XRCC4: variants seen among roughly 807,000 people sequenced by gnomAD.
The protein encoded by XRCC4 is DNA repair protein XRCC4.
Under a neutral mutation model 39.1 loss-of-function variants are expected in XRCC4, and 28 were observed. The observed-to-expected ratio is 0.72, with a 90% CI of 0.53 to 0.98. XRCC4 has a LOEUF of 0.98. Ranked by LOEUF, XRCC4 falls within the 50% of genes least tolerant of loss-of-function variation. XRCC4 has a pLI of 0.00. For missense variants in XRCC4, 350 were observed against 376.4 expected (o/e 0.93, Z 0.58); for synonymous variants, 123 against 126.4 (o/e 0.97, Z 0.18).
intron 3 of XRCC4, among the ~76,000 whole-genome samples, chr5:83,183,022 C>T (rs1025298366): frequency 3.3e-5 from 5 of 152,172 alleles, no homozygotes; most frequent in African/African-American, 9.7e-5. Flanking sequence ...ACTAATGGAA[C>T]ATATTCTCAA....
At chr5:83,243,077 TTTC>T (rs1246818823) in intron 6 of XRCC4, among the ~76,000 whole-genome samples, 2 of 152,216 alleles carry the variant, frequency 1.3e-5, no homozygotes, top group Non-Finnish European at 2.9e-5. Flanking sequence ...AAATTAAACT[TTTC>T]TATAAAGACT....
chr5:83,264,947 C>G (rs74408953), intron 7 of XRCC4, among the ~76,000 whole-genome samples: 1,828 of 152,230 alleles, frequency 0.012, 36 homozygotes, highest in African/African-American at 0.042. Context: ...TGTACCCTCA[C>G]AACAGTGTTT....
rs376102534 is a variant in XRCC4, at chr5:83,353,257, A to T, written c.*15A>T. On this transcript the variant is annotated 3_prime_UTR_variant, in exon 8 of 8. Transcript: ENST00000396027. ...ATGAGATTTAACAGTCTCAAAAAAT[A>T]CTTTGATGTTCACTAGACTATGTTT... The T allele has an allele frequency of 7.7e-6, 12 of 1,552,068 alleles. No individual in the cohort carries two copies. The highest frequency in any genetic ancestry group is 1.1e-5 in the Non-Finnish European group (12 of 1,139,824).
chr5:83,219,113 T>A (rs1187715192), intron 6 of XRCC4, among the ~76,000 whole-genome samples: 1 of 152,136 alleles, frequency 6.6e-6, no homozygotes, highest in Non-Finnish European at 1.5e-5. Context: ...CCCTGTTACA[T>A]CAAATTTTCT....
intron 3 of XRCC4, among the ~76,000 whole-genome samples, chr5:83,123,098 C>T (rs28745313): frequency 0.015 from 2,221 of 152,196 alleles, 62 homozygotes; most frequent in African/African-American, 0.051. Context: ...TGCTTATTTT[C>T]TGTCTACTTC....
intron 6 of XRCC4, among the ~76,000 whole-genome samples, chr5:83,249,959 CCTCT>C (rs1308014155): frequency 2.0e-5 from 3 of 151,924 alleles, no homozygotes; most frequent in South Asian, 2.1e-4. Flanking sequence ...TCAATGAAAG[CCTCT>C]CTAAGCTTTG....
intron 6 of XRCC4, among the ~76,000 whole-genome samples, chr5:83,244,639 C>G (rs1753032951): frequency 6.6e-6 from 1 of 152,132 alleles, no homozygotes; most frequent in Non-Finnish European, 1.5e-5. Context: ...TAAATTCCAG[C>G]TATTTCAACA....
intron 1 of XRCC4, among the ~76,000 whole-genome samples, chr5:83,099,729 G>C (rs771788146): frequency 1.3e-5 from 2 of 152,116 alleles, no homozygotes; most frequent in Non-Finnish European, 2.9e-5. Flanking sequence ...CTCTGGCTGG[G>C]AGAGGTGCTG....
chr5:83,100,388 A>G lies in XRCC4; in HGVS notation c.-10-4522A>G, dbSNP rs891721781. Among the ~76,000 whole-genome samples the G allele has an allele frequency of 4.6e-5, 7 of 152,168 alleles. No individual in the cohort carries two copies. In the South Asian group the frequency reaches 1.4e-3, roughly 31 times the overall value. ...AACATCATTGAGATTAAAGCCCTTTATATTATTGTGAAAGTAGAAGGAGTT... is the reference window on the plus strand; with the variant it reads ...AACATCATTGAGATTAAAGCCCTTTGTATTATTGTGAAAGTAGAAGGAGTT... On this transcript the variant is annotated intron_variant, in intron 1 of 7. Coordinates refer to ENST00000396027, the MANE Select transcript of XRCC4 (RefSeq NM_003401.5).
intron 7 of XRCC4, among the ~76,000 whole-genome samples, chr5:83,337,306 T>C (rs1756623698): frequency 6.6e-6 from 1 of 152,132 alleles, no homozygotes; most frequent in Admixed American, 6.5e-5. Context: ...CACAATTAAG[T>C]CTTTGGTTGA....
intron 7 of XRCC4, among the ~76,000 whole-genome samples, chr5:83,321,986 T>C (rs1391182609): frequency 1.3e-5 from 2 of 150,392 alleles, no homozygotes; most frequent in South Asian, 2.1e-4. Flanking sequence ...GTATGTATCA[T>C]TTAAAATAAA....
intron 3 of XRCC4, among the ~76,000 whole-genome samples, chr5:83,139,484 G>GA (rs1748065037): frequency 6.6e-6 from 1 of 152,142 alleles, no homozygotes; most frequent in Admixed American, 6.6e-5. Flanking sequence ...GATATTTTAA[G>GA]AGAATACAAG....
At chr5:83,322,384 T>A (rs370912334) in intron 7 of XRCC4, among the ~76,000 whole-genome samples, 119 of 152,198 alleles carry the variant, frequency 7.8e-4, no homozygotes, top group African/African-American at 2.7e-3. Flanking sequence ...TATCCCCCAA[T>A]TATATAGTAC....
At chr5:83,152,208 T>G (rs1748735709) in intron 3 of XRCC4, among the ~76,000 whole-genome samples, 1 of 152,274 alleles carries the variant, frequency 6.6e-6, no homozygotes, top group African/African-American at 2.4e-5. Context: ...TGATGTCTGA[T>G]TAGTCAAATT....
chr5:83,361,893 A>T, the XRCC4 span, among the ~76,000 whole-genome samples: 1 of 152,050 alleles, frequency 6.6e-6, no homozygotes, highest in East Asian at 1.9e-4. Context: ...TATTGACAAC[A>T]TATATCCATA....
chr5:83,095,434 A>G (rs901330713), intron 1 of XRCC4, among the ~76,000 whole-genome samples: 3 of 152,142 alleles, frequency 2.0e-5, no homozygotes, highest in Admixed American at 2.0e-4. Context: ...AGAAATGATC[A>G]GTGGGGTAGG....
intron 6 of XRCC4, among the ~76,000 whole-genome samples, chr5:83,252,165 G>A (rs1753346356): frequency 6.6e-6 from 1 of 152,124 alleles, no homozygotes; most frequent in African/African-American, 2.4e-5. Context: ...GTAGCCTGAG[G>A]CATTGGTTGG....
At chr5:83,109,486 A>G (rs1264579185) in intron 2 of XRCC4, among the ~76,000 whole-genome samples, 1 of 151,988 alleles carries the variant, frequency 6.6e-6, no homozygotes, top group South Asian at 2.1e-4. Context: ...GTATGAAATT[A>G]TACAACCATA....
At chr5:83,106,289 G>A (rs1210462463) in intron 2 of XRCC4, among the ~76,000 whole-genome samples, 2 of 152,078 alleles carry the variant, frequency 1.3e-5, no homozygotes, top group South Asian at 4.1e-4. Flanking sequence ...ATTAATGCTG[G>A]TCATCTGGGT....
Sources: allele counts gnomAD v4.1 joint callset (sites outside exome capture counted in the v4.1 genomes callset), GRCh38; gene constraint gnomAD v4.1.1; transcripts MANE v1.5; gene names NCBI Gene and HGNC (gene_info 2026-07-23, HGNC 2026-07-21).